MCFD2: variants seen among roughly 807,000 people sequenced by gnomAD.
MCFD2 encodes the protein multiple coagulation factor deficiency protein 2.
MCFD2 carries 11 observed loss-of-function variants against 12.8 expected under a neutral mutation model. The observed-to-expected ratio is 0.86, with a 90% CI of 0.54 to 1.42. The LOEUF (loss-of-function observed/expected upper bound fraction) is 1.42, where lower values mean the gene tolerates loss of function less well. MCFD2 is among the 40% of genes most tolerant of loss of function. The pLI is 0.00. For missense variants in MCFD2, 191 were observed against 178.6 expected, an observed-to-expected ratio of 1.07 and a Z score of -0.40; for synonymous variants, 70 against 68.1, an observed-to-expected ratio of 1.03 and a Z score of -0.14.
At chr2:46,923,299 G>A (rs7575172) in intron 1 of MCFD2, among the ~76,000 whole-genome samples, 8,272 of 152,202 alleles carry the variant, frequency 0.054, 356 homozygotes, top group African/African-American at 0.11. Context: ...TTGGAGGTGG[G>A]GCTAAGAGTC....
rs1487034701 is a variant in MCFD2 at position 46,904,387 on chromosome 2, CACCT to C, written c.*1072_*1075del. 6.5e-6 allele frequency: 1 copy of C among 153,342 alleles called. No homozygotes were observed. Among genetic ancestry groups the C allele is most frequent in the African/African-American group, 2.6e-5 (1 of 38,156 alleles). The allele number at this position is 153,342 out of a possible 1,614,324, so 9.5% of individuals were successfully genotyped here. The stretch of plus-strand genomic sequence containing the variant: ...AGATCCACCAACAGCTTGCACCGTG[CACCT>C]GGAAAAGCCGCAGGCACTGAACAAC... On this transcript the variant is annotated 3_prime_UTR_variant, in exon 4 of 4. Transcript: ENST00000319466.
intron 1 of MCFD2, among the ~76,000 whole-genome samples, chr2:46,939,771 A>T (rs974615734): frequency 7.9e-5 from 12 of 152,190 alleles, no homozygotes; most frequent in Admixed American, 5.2e-4. Flanking sequence ...TCCAAGTGAA[A>T]TCCGGTTCTG....
At chr2:46,924,805 T>C (rs935880344) in intron 1 of MCFD2, among the ~76,000 whole-genome samples, 1 of 152,184 alleles carries the variant, frequency 6.6e-6, no homozygotes, top group African/African-American at 2.4e-5. Context: ...TTTTTGTATT[T>C]TTTGTAGAGA....
upstream of MCFD2, among the ~76,000 whole-genome samples, chr2:46,920,649 GAA>G (rs10713433): frequency 0.1 from 14,210 of 136,306 alleles, 1,225 homozygotes; most frequent in African/African-American, 0.23. Flanking sequence ...AGGCTTTTTT[GAA>G]AAAAAAAAAA....
rs952959461 is a variant in MCFD2, at chr2:46,908,928, G to A, written c.149+95C>T. 5.4e-6 allele frequency: 8 copies of A among 1,489,094 alleles called. No homozygotes were observed. The highest frequency in any genetic ancestry group is 7.5e-6 in the Non-Finnish European group (8 of 1,067,002). The allele number at this position is 1,489,094 out of a possible 1,614,324, so 92.2% of individuals were successfully genotyped here. A position where few individuals can be genotyped will look rare whatever the true frequency, so the allele number is the denominator to read the frequency against. On this transcript the variant is annotated intron_variant, in intron 2 of 3. Coordinates refer to ENST00000319466, the MANE Select transcript of MCFD2 (RefSeq NM_139279.6). This position sits in a 1 kb window ranked among gnomAD's most constrained non-coding sequence, Gnocchi z 4.5. ...AGAATGTCAAGGAGCCATAGAAACAGGAAGAAGGAAAGGAGGACTGAGCAT... is the reference window on the plus strand; with the variant it reads ...AGAATGTCAAGGAGCCATAGAAACAAGAAGAAGGAAAGGAGGACTGAGCAT...
rs563368982 is a variant in MCFD2 at position 46,902,065 on chromosome 2, C to T, written c.*3398G>A. 6.5e-6 allele frequency: 1 copy of T among 152,760 alleles called. No individual in the cohort carries two copies. The highest frequency in any genetic ancestry group is 2.1e-4 in the South Asian group (1 of 4,830). 9.5% of individuals were successfully genotyped at this position (152,760 alleles called of 1,614,324 possible). A position where few individuals can be genotyped will look rare whatever the true frequency, so the allele number is the denominator to read the frequency against. On this transcript the variant is annotated 3_prime_UTR_variant, in exon 4 of 4. Coordinates refer to ENST00000319466, the MANE Select transcript of MCFD2 (RefSeq NM_139279.6). ...ATAAAGAAAATAAGTCTGTATACAT[C>T]CTACGACAAATTTTGTAGTCTCTTT...
chr2:46,931,819 A>G (rs1369857760), intron 1 of MCFD2, among the ~76,000 whole-genome samples: 2 of 152,330 alleles, frequency 1.3e-5, no homozygotes, highest in East Asian at 3.9e-4. Context: ...CCTACTTTGG[A>G]CTTCTGACCT....
chr2:46,935,184 C>T (rs932130703), intron 1 of MCFD2, among the ~76,000 whole-genome samples: 1 of 152,102 alleles, frequency 6.6e-6, no homozygotes, highest in African/African-American at 2.4e-5. Context: ...AGGCTTGTCC[C>T]TGCTGGAAAA....
upstream of MCFD2, chr2:46,917,356 A>C: frequency 1.7e-6 from 1 of 593,422 alleles, no homozygotes; most frequent in Non-Finnish European, 3.0e-6. Flanking sequence ...TTCTTTCCTT[A>C]CTCTGAACTT....
At chr2:46,905,812 GAA>G (rs1668202351) in intron 3 of MCFD2, 4 of 630,186 alleles carry the variant, frequency 6.3e-6, no homozygotes, top group African/African-American at 1.8e-5. Flanking sequence ...TATAGAGAGA[GAA>G]TATGTATTAT....
Position 46,937,287 on chromosome 2 carries a change from T to C in MCFD2, c.-8+4285A>G, listed in dbSNP as rs1231276371. On this transcript the variant is annotated intron_variant, in intron 1 of 2. Transcript: ENST00000409147. This position sits in a 1 kb window ranked among gnomAD's most constrained non-coding sequence, Gnocchi z 4.0. ...CTGCTATTTCTTTTCCCCTACCCTA[T>C]GCTCCTCCATCTCCCTCTGCCCTTT... Among the ~76,000 whole-genome samples the C allele has an allele frequency of 6.6e-6, 1 of 151,994 alleles. No individual in the cohort carries two copies. Among genetic ancestry groups the C allele is most frequent in the Non-Finnish European group, 1.5e-5 (1 of 67,954 alleles).
Position 46,908,944 on chromosome 2 carries a change from G to T in MCFD2, c.149+79C>A. ...ATAGAAACAGGAAGAAGGAAAGGAG[G>T]ACTGAGCATGCCCTTGCCGCTGGCT... On this transcript the variant is annotated intron_variant, in intron 2 of 3. Coordinates refer to ENST00000319466, the MANE Select transcript of MCFD2 (RefSeq NM_139279.6). This position sits in a 1 kb window ranked among gnomAD's most constrained non-coding sequence, Gnocchi z 4.5. 2 of 1,562,100 alleles carry T rather than the reference G, an allele frequency of 1.3e-6. No individual in the cohort carries two copies. The highest frequency in any genetic ancestry group is 1.8e-6 in the Non-Finnish European group (2 of 1,132,852).
At chr2:46,927,974 G>A (rs997742199) in intron 1 of MCFD2, among the ~76,000 whole-genome samples, 1 of 135,772 alleles carries the variant, frequency 7.4e-6, no homozygotes, top group Non-Finnish European at 1.5e-5. Flanking sequence ...GCTCACTGCA[G>A]CCTCAACTTC....
chr2:46,940,620 A>G lies in MCFD2; in HGVS notation c.-8+952T>C, dbSNP rs1032457629. Reference sequence around the variant, plus strand: ...TAAAGCCTTTAAGAAATCCAGGGCAACAGAGATTCCACAGAGGACAGGTCA... The same window carrying G: ...TAAAGCCTTTAAGAAATCCAGGGCAGCAGAGATTCCACAGAGGACAGGTCA... On this transcript the variant is annotated intron_variant, in intron 1 of 2. Coordinates refer to the MCFD2 transcript ENST00000409147. The surrounding 1 kb of genome is among the most constrained non-coding windows in gnomAD (Gnocchi z 4.7). Among the ~76,000 whole-genome samples, 2 of 152,266 alleles carry G rather than the reference A, an allele frequency of 1.3e-5. No individual in the cohort carries two copies. Among genetic ancestry groups the G allele is most frequent in the East Asian group, 1.9e-4 (1 of 5,186 alleles).
In MCFD2 at chr2:46,902,415, T is replaced by C. The variant is rs1406274705; in HGVS notation, c.*3048A>G. On this transcript the variant is annotated 3_prime_UTR_variant, in exon 4 of 4. Coordinates refer to ENST00000319466, the MANE Select transcript of MCFD2 (RefSeq NM_139279.6). ...GCTGATAAAGTCCTGACATTCCTAA[T>C]AGTTCCTAAACTGCAAATAAAAAAC... 2.0e-5 allele frequency: 3 copies of C among 152,626 alleles called. No individual in the cohort carries two copies. The highest frequency in any genetic ancestry group is 4.8e-5 in the African/African-American group (2 of 41,446). The allele number at this position is 152,626 out of a possible 1,614,324, so 9.5% of individuals were successfully genotyped here.
intron 1 of MCFD2, 66 bp downstream of exon 1, chr2:46,915,657 A>G (rs544555028): frequency 3.6e-5 from 21 of 583,452 alleles, no homozygotes; most frequent in East Asian, 2.9e-4. Context: ...CTTGAGCCCA[A>G]GCCTCCAGCC....
chr2:46,909,572 G>C (rs992074712), intron 1 of MCFD2, among the ~76,000 whole-genome samples: 4 of 152,212 alleles, frequency 2.6e-5, no homozygotes, highest in Non-Finnish European at 4.4e-5. Flanking sequence ...TAGGAGTTCA[G>C]GGGAAGAAAT....
At chr2:46,921,663 T>C (rs1669109214) in intron 1 of MCFD2, among the ~76,000 whole-genome samples, 1 of 152,218 alleles carries the variant, frequency 6.6e-6, no homozygotes, top group Admixed American at 6.5e-5. Context: ...CCCCAACTTT[T>C]TGGCACCAGG....
At chr2:46,924,269 A>G (rs929839844) in intron 1 of MCFD2, among the ~76,000 whole-genome samples, 1 of 151,044 alleles carries the variant, frequency 6.6e-6, no homozygotes, top group South Asian at 2.1e-4. Flanking sequence ...CCTGTAAACC[A>G]GTAAAACTGT....
Sources: gnomAD v4.1 joint callset for allele counts (sites outside exome capture counted in the v4.1 genomes callset) on GRCh38, gnomAD v4.1.1 for gene constraint, Gnocchi (gnomAD v3.1) non-coding constraint, MANE v1.5 for transcripts, NCBI Gene and HGNC (gene_info 2026-07-23, HGNC 2026-07-21) for gene names.